MAST4: variants seen among roughly 807,000 people sequenced by gnomAD.
MAST4 encodes microtubule associated serine/threonine kinase family member 4.
Under a neutral mutation model 162.7 loss-of-function variants are expected in MAST4, and 89 were observed. That is an observed-to-expected ratio of 0.55 (90% CI 0.46 to 0.65). The LOEUF (loss-of-function observed/expected upper bound fraction) is 0.65. MAST4 is among the 30% of genes least tolerant of loss of function. MAST4 has a pLI of 0.00. For synonymous variants in MAST4, 1,479 were observed against 1,361.1 expected, an observed-to-expected ratio of 1.09 and a Z score of -1.91; for missense variants, 3,153 against 3,374.0, an observed-to-expected ratio of 0.93 and a Z score of 1.62.
intron 4 of MAST4, chr5:66,964,104 G>A (rs1296893902): frequency 9.6e-6 from 5 of 519,778 alleles, no homozygotes; most frequent in African/African-American, 7.7e-5. Context: ...TTGGTTTCTA[G>A]AAAACATTTC....
At chr5:66,982,187 T>G (rs1748940763) in intron 4 of MAST4, among the ~76,000 whole-genome samples, 1 of 152,200 alleles carries the variant, frequency 6.6e-6, no homozygotes, top group East Asian at 1.9e-4. Flanking sequence ...CATCTCAGCT[T>G]TCTGTAGGTG....
intron 4 of MAST4, among the ~76,000 whole-genome samples, chr5:66,984,072 C>T (rs1028706210): frequency 6.6e-6 from 1 of 152,202 alleles, no homozygotes; most frequent in African/African-American, 2.4e-5. Context: ...GAGAAAGTCT[C>T]TGCTCTCATG....
intron 5 of MAST4, among the ~76,000 whole-genome samples, chr5:67,068,064 C>T (rs1393058742): frequency 6.6e-6 from 1 of 152,140 alleles, no homozygotes; most frequent in East Asian, 1.9e-4. Flanking sequence ...GCATCTTGCA[C>T]CCCTCCCAGT....
Position 66,960,695 on chromosome 5 carries a change from C to T in MAST4, c.674+60713C>T, listed in dbSNP as rs137925111. On this transcript the variant is annotated intron_variant, in intron 4 of 28. Coordinates refer to ENST00000403625, the MANE Select transcript of MAST4 (RefSeq NM_001164664.2). ...TGTTTTCTTTGGACTTAGTAGATATCATTTCACATTAGGCTTTTTCTTTCT... is the reference window on the plus strand; with the variant it reads ...TGTTTTCTTTGGACTTAGTAGATATTATTTCACATTAGGCTTTTTCTTTCT... Among the ~76,000 whole-genome samples, 8 of 152,300 alleles carry T rather than the reference C, an allele frequency of 5.3e-5. No homozygotes were observed. In the East Asian group the frequency reaches 1.3e-3, roughly 26 times the overall value.
intron 4 of MAST4, among the ~76,000 whole-genome samples, chr5:66,986,847 A>G (rs1749567134): frequency 6.6e-6 from 1 of 151,974 alleles, no homozygotes; most frequent in Non-Finnish European, 1.5e-5. Flanking sequence ...CCTGGCCTCA[A>G]GCAATGCTCC....
intron 3 of MAST4, among the ~76,000 whole-genome samples, chr5:66,868,405 A>G (rs1009127940): frequency 3.3e-5 from 5 of 150,958 alleles, no homozygotes; most frequent in African/African-American, 7.3e-5. Flanking sequence ...ACATATATAT[A>G]TGTGTGTATA....
At chr5:66,819,695 C>A (rs146610598) in intron 3 of MAST4, among the ~76,000 whole-genome samples, 316 of 151,272 alleles carry the variant, frequency 2.1e-3, no homozygotes, top group African/African-American at 7.4e-3. Flanking sequence ...TTTGTGTTTA[C>A]ATTTTTTGTT....
chr5:67,159,966 A>G (rs552245883), intron 26 of MAST4, among the ~76,000 whole-genome samples: 1 of 152,244 alleles, frequency 6.6e-6, no homozygotes, highest in Non-Finnish European at 1.5e-5. Context: ...GGAAAAACAC[A>G]AAAAGGAGAA....
rs1473158073 is a variant in MAST4, at chr5:67,168,943, A to G, written c.*1892A>G. The stretch of plus-strand genomic sequence containing the variant: ...AGAAAAAAGCCTCCTCCTTGCCCCT[A>G]ATTTTTTTTTCCCATATGGTTTTAG... On this transcript the variant is annotated 3_prime_UTR_variant, in exon 29 of 29. Transcript: ENST00000403625. 2 of 152,156 alleles carry G rather than the reference A, an allele frequency of 1.3e-5. No individual in the cohort carries two copies. The highest frequency in any genetic ancestry group is 2.9e-5 in the Non-Finnish European group (2 of 68,032). The allele number at this position is 152,156 out of a possible 1,614,324, so 9.4% of individuals were successfully genotyped here. A position where few individuals can be genotyped will look rare whatever the true frequency, so the allele number is the denominator to read the frequency against.
intron 4 of MAST4, among the ~76,000 whole-genome samples, chr5:66,982,278 T>C (rs1748952808): frequency 6.6e-6 from 1 of 152,182 alleles, no homozygotes; most frequent in Admixed American, 6.5e-5. Context: ...GTGTGTGCTT[T>C]CTTTTAACTT....
At chr5:66,831,596 A>G (rs1200647727) in intron 3 of MAST4, among the ~76,000 whole-genome samples, 1 of 152,232 alleles carries the variant, frequency 6.6e-6, no homozygotes, top group Non-Finnish European at 1.5e-5. Context: ...CAGTCAGAAC[A>G]TATAATTTCT....
rs145986709 is a variant in MAST4 at position 66,938,268 on chromosome 5, A to C, written c.674+38286A>C. On this transcript the variant is annotated intron_variant, in intron 4 of 28. Transcript: ENST00000403625. ...AAGATAAATCTAGACTGTTAGTGTA[A>C]AATATGCTCCCTAGTATAAGAAATA... 4.6e-3 allele frequency among the ~76,000 whole-genome samples: 707 copies of C among 152,290 alleles called. 8 individuals carry two copies. The Middle Eastern group carries it at 0.065, about 14-fold the overall frequency.
chr5:67,078,921 T>TATA (rs1561622186), intron 5 of MAST4, among the ~76,000 whole-genome samples: 1,686 of 73,298 alleles, frequency 0.023, 83 homozygotes, highest in East Asian at 0.07. Flanking sequence ...AATATATATA[T>TATA]ATATATATAT....
chr5:66,685,801 C>T (rs1455600053), intron 1 of MAST4, among the ~76,000 whole-genome samples: 1 of 152,056 alleles, frequency 6.6e-6, no homozygotes, highest in Non-Finnish European at 1.5e-5. Context: ...TAAAAATGTG[C>T]ACTTTAGAGC....
intron 19 of MAST4, among the ~76,000 whole-genome samples, chr5:67,138,029 T>A (rs1329306488): frequency 6.6e-6 from 1 of 152,236 alleles, no homozygotes; most frequent in East Asian, 1.9e-4. Context: ...TTGAGTGGAC[T>A]TTTAACCTGA....
chr5:67,010,883 T>G (rs956150994), intron 4 of MAST4, among the ~76,000 whole-genome samples: 3 of 151,914 alleles, frequency 2.0e-5, no homozygotes, highest in Non-Finnish European at 4.4e-5. Context: ...AGCAAGGACT[T>G]GGAGAACAGG....
chr5:66,755,902 T>C (rs1284537978), intron 1 of MAST4, among the ~76,000 whole-genome samples: 30 of 152,170 alleles, frequency 2.0e-4, no homozygotes, highest in Admixed American at 2.0e-3. Context: ...GGAGGATCTG[T>C]TTTTTTCTCA....
intron 4 of MAST4, among the ~76,000 whole-genome samples, chr5:67,031,618 A>G (rs1353512724): frequency 6.6e-6 from 1 of 152,190 alleles, no homozygotes; most frequent in Non-Finnish European, 1.5e-5. Flanking sequence ...CTTAGTGAAG[A>G]TTTGTAAAAT....
At chr5:67,096,519 C>A (rs1180411356) in intron 7 of MAST4, among the ~76,000 whole-genome samples, 1 of 152,062 alleles carries the variant, frequency 6.6e-6, no homozygotes, top group African/African-American at 2.4e-5. Flanking sequence ...TTAGGGATAT[C>A]CATCTATTGT....
Sources: gnomAD v4.1 joint callset for allele counts (sites outside exome capture counted in the v4.1 genomes callset) on GRCh38, gnomAD v4.1.1 for gene constraint, MANE v1.5 for transcripts, NCBI Gene and HGNC (gene_info 2026-07-23, HGNC 2026-07-21) for gene names.